The following NR2E1 variants were observed in gnomAD, a reference collection of about 807,000 sequenced individuals.
The protein encoded by NR2E1 is nuclear receptor subfamily 2 group E member 1.
Under a neutral mutation model 43.6 loss-of-function variants are expected in NR2E1, and 5 were observed. The observed-to-expected ratio is 0.11, with a 90% confidence interval of 0.06 to 0.24. The LOEUF (loss-of-function observed/expected upper bound fraction) is 0.24. NR2E1 is among the 10% of genes least tolerant of loss of function. The probability of loss-of-function intolerance (pLI) is 1.00; values close to 1 mark genes in which losing one functional copy is unlikely to be tolerated. For synonymous variants in NR2E1, 191 were observed against 195.5 expected (o/e 0.98, Z 0.19); for missense variants, 287 against 496.7 (o/e 0.58, Z 4.01).
chr6:108,180,697 C>T lies in NR2E1; in HGVS notation c.740-110C>T, dbSNP rs1300900364. On this transcript the variant is annotated intron_variant, in intron 6 of 8. Transcript: ENST00000368986. This position sits in a 1 kb window ranked among gnomAD's most constrained non-coding sequence, Gnocchi z 5.4. ...AGCCGGTTTACATGGAATCAGATAT[C>T]TTAGAGTGACAATTGAATAGATATT... The T allele has an allele frequency of 1.1e-5, 12 of 1,045,686 alleles. No individual in the cohort carries two copies. The East Asian group carries it at 1.3e-4, about 11-fold the overall frequency. The allele number at this position is 1,045,686 out of a possible 1,614,324, so 64.8% of individuals were successfully genotyped here. A position where few individuals can be genotyped will look rare whatever the true frequency, so the allele number is the denominator to read the frequency against.
chr6:108,171,195 T>A (rs935535132), intron 1 of NR2E1, among the ~76,000 whole-genome samples: 3 of 152,162 alleles, frequency 2.0e-5, no homozygotes, highest in African/African-American at 7.2e-5. Flanking sequence ...TATTCCAAAA[T>A]GGGTCTCGGC....
intron 8 of NR2E1, among the ~76,000 whole-genome samples, chr6:108,183,773 G>GT (rs1394045840): frequency 1.4e-4 from 21 of 152,254 alleles, no homozygotes; most frequent in African/African-American, 3.1e-4. Flanking sequence ...ACCTGTATAT[G>GT]TTTTTTCAAA....
In NR2E1 at chr6:108,169,416, G is replaced by T. The variant is rs1366623862; in HGVS notation, c.26-2042G>T. Among the ~76,000 whole-genome samples, 1 of 152,168 alleles carries T rather than the reference G, an allele frequency of 6.6e-6. No homozygotes were observed. Among genetic ancestry groups the T allele is most frequent in the East Asian group, 1.9e-4 (1 of 5,190 alleles). ...AGATGTTGTCATGGGCCTCCTGTCCGGATGGGAAGTGGGGAAAAAGAGACC... is the reference window on the plus strand; with the variant it reads ...AGATGTTGTCATGGGCCTCCTGTCCTGATGGGAAGTGGGGAAAAAGAGACC... On this transcript the variant is annotated intron_variant, in intron 1 of 8. Coordinates refer to ENST00000368986, the MANE Select transcript of NR2E1 (RefSeq NM_003269.5). The surrounding 1 kb of genome is among the most constrained non-coding windows in gnomAD (Gnocchi z 6.1).
chr6:108,171,594 T>C lies in NR2E1; in HGVS notation c.162T>C (p.Ser54=). ...IRRNRTYVCK[S]GNQGGCPVDK... ...GGAATAGGACCTATGTCTGCAAATCTGGAAACCAGGTACCTTAGCCAGGGC... is the reference window on the plus strand; with the variant it reads ...GGAATAGGACCTATGTCTGCAAATCCGGAAACCAGGTACCTTAGCCAGGGC... Residue 54 remains serine (S), a synonymous_variant, in exon 2 of 9, where the codon TCT becomes TCC. Transcript: ENST00000368986. 6 of 1,614,136 alleles carry C rather than the reference T, an allele frequency of 3.7e-6. No homozygotes were observed. The highest frequency in any genetic ancestry group is 5.1e-6 in the Non-Finnish European group (6 of 1,180,050).
At chr6:108,175,849 G>C (rs1318024016) in intron 3 of NR2E1, among the ~76,000 whole-genome samples, 5 of 152,244 alleles carry the variant, frequency 3.3e-5, no homozygotes, top group Non-Finnish European at 5.9e-5. Context: ...TGTCAAGCTC[G>C]GCAGGCCGAA....
chr6:108,175,015 A>G, intron 3 of NR2E1, 92 bp downstream of exon 3: 1 of 1,194,112 alleles, frequency 8.4e-7, no homozygotes, highest in Admixed American at 1.9e-5. Flanking sequence ...CATGTAAATC[A>G]ACCCCGGAGC....
In NR2E1 at chr6:108,176,581, A is replaced by C; in HGVS notation, c.338A>C (p.Glu113Ala). The change falls in exon 4 of 9, where the codon GAG becomes GCG. Residue 113 changes from glutamate to alanine, a missense_variant. Around this residue, in one of 4 missense-constraint regions of NR2E1, gnomAD observed 119 missense variants for 155.7 expected, o/e 0.76. Transcript: ENST00000368986. ...VALYFRGHKE[E>A]NGAAAHFPSA... Reference sequence around the variant, plus strand: ...CTCTACTTCCGTGGACACAAGGAGGAGAACGGGGCCGCCGCGCACTTTCCC... The same window carrying C: ...CTCTACTTCCGTGGACACAAGGAGGCGAACGGGGCCGCCGCGCACTTTCCC... The C allele has an allele frequency of 6.2e-7, 1 of 1,613,010 alleles. No individual in the cohort carries two copies. The highest frequency in any genetic ancestry group is 8.5e-7 in the Non-Finnish European group (1 of 1,179,952).
At chr6:108,181,755 T>C in intron 8 of NR2E1, 104 bp downstream of exon 8, 1 of 861,396 alleles carries the variant, frequency 1.2e-6, no homozygotes, top group South Asian at 1.4e-5. Context: ...CTAATTATCT[T>C]GTTGCCAGCC....
In NR2E1 at chr6:108,187,666, G is replaced by T; in HGVS notation, c.*203G>T. On this transcript the variant is annotated 3_prime_UTR_variant, in exon 9 of 9. Transcript: ENST00000368986. ...AGGATAGGGCGGGTGGGAAGGAGAGGGGTGCAACAGGACCGCCTGCACTGA... is the reference window on the plus strand; with the variant it reads ...AGGATAGGGCGGGTGGGAAGGAGAGTGGTGCAACAGGACCGCCTGCACTGA... 3.5e-6 allele frequency: 2 copies of T among 577,190 alleles called. No individual in the cohort carries two copies. Among genetic ancestry groups the T allele is most frequent in the East Asian group, 3.1e-5 (1 of 31,822 alleles). 35.8% of individuals were successfully genotyped at this position (577,190 alleles called of 1,614,324 possible).
intron 1 of NR2E1, among the ~76,000 whole-genome samples, chr6:108,170,551 G>A (rs1437733829): frequency 2.0e-5 from 3 of 150,838 alleles, no homozygotes; most frequent in Non-Finnish European, 4.4e-5. Flanking sequence ...TTGAGGTGGG[G>A]TCCATGGGGG....
At chr6:108,173,193 C>T (rs531573541) in intron 2 of NR2E1, among the ~76,000 whole-genome samples, 32 of 152,168 alleles carry the variant, frequency 2.1e-4, no homozygotes, top group South Asian at 8.3e-4. Context: ...TTCTCTCTGG[C>T]GCTAGATATT....
At position 108,169,985 on chromosome 6, in the gene NR2E1, T is replaced by C. The variant is rs1773782892; in HGVS notation, c.26-1473T>C. On this transcript the variant is annotated intron_variant, in intron 1 of 8. Coordinates refer to ENST00000368986, the MANE Select transcript of NR2E1 (RefSeq NM_003269.5). The surrounding 1 kb of genome is among the most constrained non-coding windows in gnomAD (Gnocchi z 6.1). ...CAAGCACGGTCCCCCGCGCTCTCCT[T>C]CCCCCACCCCCTCCACCTGAGACGA... Among the ~76,000 whole-genome samples the C allele has an allele frequency of 6.7e-6, 1 of 149,672 alleles. No individual in the cohort carries two copies. The highest frequency in any genetic ancestry group is 6.6e-5 in the Admixed American group (1 of 15,060).
chr6:108,173,958 G>A (rs142800318), intron 2 of NR2E1, among the ~76,000 whole-genome samples: 82 of 152,316 alleles, frequency 5.4e-4, no homozygotes, highest in Admixed American at 2.1e-3. Context: ...TTCTAAAGAA[G>A]TGACTACCTT....
At chr6:108,179,492 CTGTGTG>C (rs34907033) in intron 5 of NR2E1, among the ~76,000 whole-genome samples, 156 of 131,420 alleles carry the variant, frequency 1.2e-3, no homozygotes, top group South Asian at 5.7e-3. Flanking sequence ...TAACCACTTC[CTGTGTG>C]TGTGTGTGTG....
chr6:108,187,352 T>G lies in NR2E1; in HGVS notation c.1047T>G (p.Ala349=), dbSNP rs1774091944. 2 of 1,614,130 alleles carry G rather than the reference T, an allele frequency of 1.2e-6. No homozygotes were observed. Among genetic ancestry groups the G allele is most frequent in the Non-Finnish European group, 1.7e-6 (2 of 1,180,056 alleles). ...GAAAACTCCTGTTGCTTTTGCCAGC[T>G]TTACGTTCTATTAGCCCATCAACTA... The part of the protein sequence containing the change: ...RFGKLLLLLP[A]LRSISPSTIE... Residue 349 remains alanine (A), a synonymous_variant, in exon 9 of 9, where the codon GCT becomes GCG. Transcript: ENST00000368986.
chr6:108,171,150 G>A (rs1420619511), intron 1 of NR2E1, among the ~76,000 whole-genome samples: 1 of 152,192 alleles, frequency 6.6e-6, no homozygotes, highest in Non-Finnish European at 1.5e-5. Flanking sequence ...AGGCAGTGGA[G>A]GGCCGCACTG....
Position 108,187,667 on chromosome 6 carries a change from G to T in NR2E1, c.*204G>T. 1 of 576,628 alleles carries T rather than the reference G, an allele frequency of 1.7e-6. No individual in the cohort carries two copies. Among genetic ancestry groups the T allele is most frequent in the Admixed American group, 2.7e-5 (1 of 36,746 alleles). The allele number at this position is 576,628 out of a possible 1,614,324, so 35.7% of individuals were successfully genotyped here. A position where few individuals can be genotyped will look rare whatever the true frequency, so the allele number is the denominator to read the frequency against. On this transcript the variant is annotated 3_prime_UTR_variant, in exon 9 of 9. Transcript: ENST00000368986. ...GGATAGGGCGGGTGGGAAGGAGAGG[G>T]GTGCAACAGGACCGCCTGCACTGAA...
intron 8 of NR2E1, among the ~76,000 whole-genome samples, chr6:108,186,160 A>G (rs1245442195): frequency 3.9e-5 from 6 of 152,032 alleles, no homozygotes; most frequent in Non-Finnish European, 5.9e-5. Flanking sequence ...TTTTTAATGC[A>G]GGTAAGCTTC....
chr6:108,167,136 G>A (rs992056969), intron 1 of NR2E1, among the ~76,000 whole-genome samples: 1 of 152,070 alleles, frequency 6.6e-6, no homozygotes, highest in Non-Finnish European at 1.5e-5. Flanking sequence ...CCAGGCGGTA[G>A]CACAATAACA....
Sources: allele counts gnomAD v4.1 joint callset (sites outside exome capture counted in the v4.1 genomes callset), GRCh38; gene constraint gnomAD v4.1.1; regional missense constraint gnomAD v4.1.1; non-coding constraint Gnocchi (gnomAD v3.1); transcripts MANE v1.5; gene names NCBI Gene and HGNC (gene_info 2026-07-23, HGNC 2026-07-21).